PIP4K2B: variants seen among roughly 807,000 people sequenced by gnomAD.
The protein encoded by PIP4K2B is phosphatidylinositol-5-phosphate 4-kinase type 2 beta, also known as phosphatidylinositol 5-phosphate 4-kinase type-2 beta.
A neutral mutation model predicts 42.0 loss-of-function variants in PIP4K2B; 3 were observed. That is an observed-to-expected ratio of 0.07 (90% CI 0.03 to 0.18). PIP4K2B has a LOEUF of 0.18. PIP4K2B is among the 10% of genes least tolerant of loss of function. The probability of loss-of-function intolerance (pLI) is 1.00; values close to 1 mark genes in which losing one functional copy is unlikely to be tolerated. For missense variants in PIP4K2B, 332 were observed against 562.3 expected (o/e 0.59, Z 4.14); for synonymous variants, 204 against 210.1 (o/e 0.97, Z 0.25).
In PIP4K2B at chr17:38,793,871, CAAAAAAACAAACAAA is replaced by C. The variant is rs1259207223; in HGVS notation, c.159+5380_159+5394del. 3.0e-4 allele frequency among the ~76,000 whole-genome samples: 39 copies of C among 130,792 alleles called. 1 individual carries two copies. The highest frequency in any genetic ancestry group is 3.8e-3 in the Middle Eastern group (1 of 262). The allele number at this position is 130,792 out of a possible 152,430, so 85.8% of individuals were successfully genotyped here. A position where few individuals can be genotyped will look rare whatever the true frequency, so the allele number is the denominator to read the frequency against. On this transcript the variant is annotated intron_variant, in intron 1 of 9. Coordinates refer to ENST00000619039, the MANE Select transcript of PIP4K2B (RefSeq NM_003559.5). Reference sequence around the variant, plus strand: ...TGTGCAAGAGCGCGAGACCCTGCCTCAAAAAAACAAACAAAAAAAAAAACAAGAAAGAAAGAAAAT... The same window carrying C: ...TGTGCAAGAGCGCGAGACCCTGCCTCAAAAAAAACAAGAAAGAAAGAAAAT...
chr17:38,776,126 A>G (rs1275963740), intron 7 of PIP4K2B: 1 of 389,482 alleles, frequency 2.6e-6, no homozygotes, highest in Non-Finnish European at 5.1e-6. Context: ...GTGCACCACC[A>G]TGCCCGGCTA....
In PIP4K2B at chr17:38,780,386, C is replaced by G. The variant is rs1909628945; in HGVS notation, c.507+66G>C. The G allele has an allele frequency of 3.5e-6, 5 of 1,448,806 alleles. No homozygotes were observed. In the Admixed American group the frequency reaches 9.6e-5, roughly 28 times the overall value. The allele number at this position is 1,448,806 out of a possible 1,614,324, so 89.7% of individuals were successfully genotyped here. ...AGGACCAACCCCTCCCTAAGAAGCT[C>G]CCCCAGGGCTCTCTTCTCCCTCTTC... On this transcript the variant is annotated intron_variant, in intron 4 of 9. Transcript: ENST00000619039.
At chr17:38,780,094 C>T (rs902906426) in intron 4 of PIP4K2B, among the ~76,000 whole-genome samples, 2 of 146,256 alleles carry the variant, frequency 1.4e-5, no homozygotes, top group African/African-American at 2.5e-5. Context: ...GATGGTGCCA[C>T]GGGGCTCCCT....
intron 1 of PIP4K2B, among the ~76,000 whole-genome samples, chr17:38,792,368 C>T (rs1236424330): frequency 1.3e-5 from 2 of 152,010 alleles, no homozygotes; most frequent in East Asian, 3.9e-4. Context: ...GGTTTCAAAG[C>T]CCTGGGCTCA....
intron 3 of PIP4K2B, 67 bp downstream of exon 3, chr17:38,784,176 C>A (rs898857804): frequency 2.2e-6 from 2 of 929,374 alleles, no homozygotes; most frequent in Middle Eastern, 2.6e-4. Flanking sequence ...TGATTCTCTA[C>A]CTGTCCTGTG....
intron 2 of PIP4K2B, among the ~76,000 whole-genome samples, chr17:38,784,996 A>G (rs1909927917): frequency 6.6e-6 from 1 of 152,156 alleles, no homozygotes; most frequent in Non-Finnish European, 1.5e-5. Flanking sequence ...CATCCTGAAG[A>G]TGGTCACTTA....
At position 38,767,278 on chromosome 17, in the gene PIP4K2B, G is replaced by C. The variant is rs1215347507; in HGVS notation, c.*2413C>G. On this transcript the variant is annotated 3_prime_UTR_variant, in exon 10 of 10. Coordinates refer to ENST00000619039, the MANE Select transcript of PIP4K2B (RefSeq NM_003559.5). ...ACCAAATAGAATACCATGACAAAAAGAAGAGAAAGGAAACTTGTATAAACC... is the reference window on the plus strand; with the variant it reads ...ACCAAATAGAATACCATGACAAAAACAAGAGAAAGGAAACTTGTATAAACC... 1.3e-5 allele frequency: 2 copies of C among 152,066 alleles called. No homozygotes were observed. The highest frequency in any genetic ancestry group is 1.3e-4 in the Admixed American group (2 of 15,266). 9.4% of individuals were successfully genotyped at this position (152,066 alleles called of 1,614,324 possible).
At chr17:38,779,708 C>T (rs1909590794) in intron 4 of PIP4K2B, 179 bp from the exon 5 acceptor site, 1 of 550,434 alleles carries the variant, frequency 1.8e-6, no homozygotes, top group African/African-American at 1.9e-5. Context: ...GGGCAACAGC[C>T]ACCTCCAGCC....
At position 38,769,846 on chromosome 17, in the gene PIP4K2B, G is replaced by A. The variant is rs1273970163; in HGVS notation, c.1171-75C>T. ...GGAGGCTGCACATGGGGGGAGCCAG[G>A]GTATTCAGAAGCCTCTTACTCAGTA... On this transcript the variant is annotated intron_variant, in intron 9 of 9. Coordinates refer to ENST00000619039, the MANE Select transcript of PIP4K2B (RefSeq NM_003559.5). 2.9e-6 allele frequency: 4 copies of A among 1,376,202 alleles called. No individual in the cohort carries two copies. In the African/African-American group the frequency reaches 5.7e-5, roughly 20 times the overall value. The allele number at this position is 1,376,202 out of a possible 1,614,324, so 85.2% of individuals were successfully genotyped here. A position where few individuals can be genotyped will look rare whatever the true frequency, so the allele number is the denominator to read the frequency against.
intron 1 of PIP4K2B, among the ~76,000 whole-genome samples, chr17:38,797,517 A>G (rs1257432768): frequency 6.6e-6 from 1 of 152,228 alleles, no homozygotes; most frequent in East Asian, 1.9e-4. Flanking sequence ...ATGGTGCTAG[A>G]CAATAAGCGA....
chr17:38,776,781 G>A (rs183716206), intron 7 of PIP4K2B, among the ~76,000 whole-genome samples: 2 of 152,318 alleles, frequency 1.3e-5, no homozygotes, highest in African/African-American at 2.4e-5. Flanking sequence ...GAGACGCTGA[G>A]TTATCAAGTG....
At chr17:38,776,988 C>T (rs1171736430) in intron 7 of PIP4K2B, among the ~76,000 whole-genome samples, 2 of 152,154 alleles carry the variant, frequency 1.3e-5, no homozygotes, top group African/African-American at 4.8e-5. Context: ...CCTTGATCTG[C>T]CAGGCTCCAG....
chr17:38,770,104 T>G (rs1348282458), intron 9 of PIP4K2B, among the ~76,000 whole-genome samples: 21 of 152,060 alleles, frequency 1.4e-4, no homozygotes, highest in Non-Finnish European at 7.4e-5. Context: ...TGGGGAGCAG[T>G]ATGGGCATGG....
intron 1 of PIP4K2B, among the ~76,000 whole-genome samples, chr17:38,788,067 T>C (rs1000749480): frequency 6.6e-6 from 1 of 152,176 alleles, no homozygotes; most frequent in Non-Finnish European, 1.5e-5. Context: ...TTAAGGCCTT[T>C]GAATATCTTC....
At chr17:38,797,843 T>G (rs1351821947) in intron 1 of PIP4K2B, among the ~76,000 whole-genome samples, 2 of 152,090 alleles carry the variant, frequency 1.3e-5, no homozygotes, top group Admixed American at 1.3e-4. Context: ...GAAGACCGAG[T>G]AACAAACTGG....
At chr17:38,795,319 C>T (rs1910596322) in intron 1 of PIP4K2B, among the ~76,000 whole-genome samples, 1 of 151,650 alleles carries the variant, frequency 6.6e-6, no homozygotes. Flanking sequence ...GAAAAGATAC[C>T]AATGAAGGCT....
At chr17:38,785,060 T>G (rs1909932207) in intron 2 of PIP4K2B, among the ~76,000 whole-genome samples, 1 of 152,152 alleles carries the variant, frequency 6.6e-6, no homozygotes, top group Non-Finnish European at 1.5e-5. Flanking sequence ...GTGCCTGAGT[T>G]AAAGAGGTCT....
intron 1 of PIP4K2B, among the ~76,000 whole-genome samples, chr17:38,797,987 A>G (rs767184670): frequency 6.6e-6 from 1 of 152,198 alleles, no homozygotes; most frequent in Non-Finnish European, 1.5e-5. Context: ...AAGAAACCAC[A>G]GAGACCTCAA....
chr17:38,788,075 T>C (rs1910133602), intron 1 of PIP4K2B, among the ~76,000 whole-genome samples: 1 of 152,180 alleles, frequency 6.6e-6, no homozygotes, highest in Non-Finnish European at 1.5e-5. Flanking sequence ...TTTGAATATC[T>C]TCATACAAAT....
Sources: gnomAD v4.1 joint callset for allele counts (sites outside exome capture counted in the v4.1 genomes callset) on GRCh38, gnomAD v4.1.1 for gene constraint, MANE v1.5 for transcripts, NCBI Gene and HGNC (gene_info 2026-07-23, HGNC 2026-07-21) for gene names.